TRMT11: variants seen among roughly 807,000 people sequenced by gnomAD.
TRMT11 encodes tRNA methyltransferase 11, also known as tRNA (guanine(10)-N(2))-methyltransferase TRMT11.
TRMT11 carries 53 observed loss-of-function variants against 62.8 expected under a neutral mutation model. The observed-to-expected ratio is 0.84, with a 90% confidence interval of 0.68 to 1.06. The LOEUF (loss-of-function observed/expected upper bound fraction) is 1.06, where lower values mean the gene tolerates loss of function less well. Ranked by LOEUF, TRMT11 falls within the 50% of genes least tolerant of loss-of-function variation. TRMT11 has a pLI of 0.00. For synonymous variants in TRMT11, 188 were observed against 190.3 expected, an observed-to-expected ratio of 0.99 and a Z score of 0.10; for missense variants, 556 against 553.4, an observed-to-expected ratio of 1.00 and a Z score of -0.05.
upstream of TRMT11, among the ~76,000 whole-genome samples, chr6:126,174,647 T>C (rs1778365349): frequency 1.3e-5 from 2 of 152,224 alleles, no homozygotes; most frequent in African/African-American, 2.4e-5. Flanking sequence ...TTGATTCCAT[T>C]ATCACAGATC....
At chr6:126,211,707 G>T in the TRMT11 span, among the ~76,000 whole-genome samples, 1 of 151,792 alleles carries the variant, frequency 6.6e-6, no homozygotes, top group Non-Finnish European at 1.5e-5. Context: ...TTTGATGCAG[G>T]CATATAATAT....
At chr6:126,258,161 G>A in the TRMT11 span, 7 of 735,894 alleles carry the variant, frequency 9.5e-6, no homozygotes, top group South Asian at 6.8e-5. Flanking sequence ...CCAGGTTGAG[G>A]CACTTTGTAG....
At chr6:126,091,187 G>C (rs1354352584) in intron 17 of TRMT11, among the ~76,000 whole-genome samples, 1 of 137,636 alleles carries the variant, frequency 7.3e-6, no homozygotes, top group Non-Finnish European at 1.5e-5. Context: ...CTGGGTGACA[G>C]AGCGAGACTC....
chr6:126,240,648 C>T, the TRMT11 span, among the ~76,000 whole-genome samples: 1 of 152,216 alleles, frequency 6.6e-6, no homozygotes, highest in Admixed American at 6.5e-5. Flanking sequence ...TTAGGCTGCT[C>T]AGGGGTCAGG....
chr6:126,133,466 T>C (rs1455083459), intron 21 of TRMT11, among the ~76,000 whole-genome samples: 2 of 152,028 alleles, frequency 1.3e-5, no homozygotes, highest in African/African-American at 4.8e-5. Flanking sequence ...TTTCATGGAA[T>C]TATGCCTGCT....
At chr6:126,214,521 C>T in the TRMT11 span, among the ~76,000 whole-genome samples, 14 of 151,850 alleles carry the variant, frequency 9.2e-5, no homozygotes, top group East Asian at 1.2e-3. Flanking sequence ...TTTATTGGCA[C>T]GTAGTTGCTC....
At chr6:126,138,258 CA>C (rs1777875698) in intron 21 of TRMT11, among the ~76,000 whole-genome samples, 1 of 151,666 alleles carries the variant, frequency 6.6e-6, no homozygotes, top group Admixed American at 6.6e-5. Context: ...AATAAAAATA[CA>C]ATAAAAGTGT....
At chr6:126,126,197 A>T (rs1777717139) in intron 21 of TRMT11, among the ~76,000 whole-genome samples, 1 of 152,280 alleles carries the variant, frequency 6.6e-6, no homozygotes, top group South Asian at 2.1e-4. Context: ...TCCTAAAGGA[A>T]TACTAATCTG....
chr6:126,238,794 C>G, the TRMT11 span, among the ~76,000 whole-genome samples: 2 of 151,978 alleles, frequency 1.3e-5, no homozygotes, highest in African/African-American at 4.8e-5. Context: ...TTGATCTATC[C>G]AATGTTGACA....
downstream of TRMT11, among the ~76,000 whole-genome samples, chr6:126,203,868 A>G (rs1375146632): frequency 6.6e-6 from 1 of 152,156 alleles, no homozygotes; most frequent in Non-Finnish European, 1.5e-5. Flanking sequence ...ATAAAAATTT[A>G]CAAAGCTGTC....
rs1175891468 is a variant in TRMT11 at position 126,093,617 on chromosome 6, A to T, written c.*1438-19249A>T. ...TATATATATATATATATATATATAT[A>T]TATATATATATATATTTTCCCCCAG... On this transcript the variant is annotated intron_variant and NMD_transcript_variant, in intron 17 of 22. Coordinates refer to the TRMT11 transcript ENST00000648977. Among the ~76,000 whole-genome samples, 322 of 88,742 alleles carry T rather than the reference A, an allele frequency of 3.6e-3. 13 individuals carry two copies. The highest frequency in any genetic ancestry group is 0.022 in the African/African-American group (243 of 10,804). The allele number at this position is 88,742 out of a possible 152,430, so 58.2% of individuals were successfully genotyped here.
chr6:126,259,614 T>G, the TRMT11 span, among the ~76,000 whole-genome samples: 1 of 152,222 alleles, frequency 6.6e-6, no homozygotes, highest in Non-Finnish European at 1.5e-5. Context: ...TATGATAGAA[T>G]GATTTCTATT....
intron 17 of TRMT11, among the ~76,000 whole-genome samples, chr6:126,064,747 G>A (rs1776638650): frequency 6.6e-6 from 1 of 152,152 alleles, no homozygotes; most frequent in African/African-American, 2.4e-5. Flanking sequence ...AAAGGAAGGA[G>A]ACAGCTCTTA....
chr6:126,204,464 C>A (rs928290168), downstream of TRMT11, among the ~76,000 whole-genome samples: 1 of 152,184 alleles, frequency 6.6e-6, no homozygotes, highest in Non-Finnish European at 1.5e-5. Flanking sequence ...CTGTGTACTG[C>A]GTTCTTTCAA....
At chr6:126,144,100 G>A (rs1777948621) in intron 21 of TRMT11, among the ~76,000 whole-genome samples, 1 of 152,172 alleles carries the variant, frequency 6.6e-6, no homozygotes, top group Non-Finnish European at 1.5e-5. Context: ...TCCCACTTGA[G>A]TATGCATTGT....
chr6:126,210,426 C>G, the TRMT11 span, among the ~76,000 whole-genome samples: 2 of 152,160 alleles, frequency 1.3e-5, no homozygotes, highest in African/African-American at 2.4e-5. Flanking sequence ...GATTGAAGTT[C>G]TGGCCAACAC....
chr6:126,050,190 C>T (rs763456676), intron 16 of TRMT11, among the ~76,000 whole-genome samples: 7 of 151,842 alleles, frequency 4.6e-5, no homozygotes, highest in Non-Finnish European at 8.8e-5. Context: ...ATTAGCTGGG[C>T]GTGGTGGCAC....
rs986568823 is a variant in TRMT11 at position 126,052,735 on chromosome 6, C to G, written c.*1370-388C>G. On this transcript the variant is annotated intron_variant and NMD_transcript_variant, in intron 16 of 22. Transcript: ENST00000648977. ...GTCTGATGACATTTAAGTCTACAGTCTTATCTTTTGGACCAAAATAAATGA... is the reference window on the plus strand; with the variant it reads ...GTCTGATGACATTTAAGTCTACAGTGTTATCTTTTGGACCAAAATAAATGA... Among the ~76,000 whole-genome samples, 6 of 152,204 alleles carry G rather than the reference C, an allele frequency of 3.9e-5. 2 individuals carry two copies. In the South Asian group the frequency reaches 6.2e-4, roughly 16 times the overall value.
intron 17 of TRMT11, among the ~76,000 whole-genome samples, chr6:126,094,090 G>C (rs1777313343): frequency 6.6e-6 from 1 of 150,800 alleles, no homozygotes; most frequent in African/African-American, 2.5e-5. Context: ...TAGAAAATGT[G>C]ATACACACAC....
Sources: gnomAD v4.1 joint callset for allele counts (sites outside exome capture counted in the v4.1 genomes callset) on GRCh38, gnomAD v4.1.1 for gene constraint, MANE v1.5 for transcripts, NCBI Gene and HGNC (gene_info 2026-07-23, HGNC 2026-07-21) for gene names.